The following GRK5 variants were observed in gnomAD, a reference collection of about 807,000 sequenced individuals.
GRK5 encodes the protein g protein-coupled receptor kinase GRK5.
A neutral mutation model predicts 78.4 loss-of-function variants in GRK5; 40 were observed. That is an observed-to-expected ratio of 0.51 (90% CI 0.40 to 0.66). The LOEUF is 0.66. Ranked by LOEUF, GRK5 falls within the 30% of genes least tolerant of loss-of-function variation. GRK5 has a pLI of 0.00. For missense variants in GRK5, 598 were observed against 759.9 expected, an observed-to-expected ratio of 0.79 and a Z score of 2.50; for synonymous variants, 289 against 296.8, an observed-to-expected ratio of 0.97 and a Z score of 0.27.
intron 1 of GRK5, among the ~76,000 whole-genome samples, chr10:119,219,748 T>C (rs1190964546): frequency 6.6e-6 from 1 of 152,208 alleles, no homozygotes; most frequent in Non-Finnish European, 1.5e-5. Context: ...TTTTAGTCGT[T>C]TTGGAAGAAA....
In GRK5 at chr10:119,335,177, C is replaced by CT. The variant is rs1850858582; in HGVS notation, c.148+8566_148+8567insT. Among the ~76,000 whole-genome samples, 25 of 35,806 alleles carry CT rather than the reference C, an allele frequency of 7.0e-4. 1 individual carries two copies. Among genetic ancestry groups the CT allele is most frequent in the African/African-American group, 1.7e-3 (15 of 8,948 alleles). The allele number at this position is 35,806 out of a possible 152,430, so 23.5% of individuals were successfully genotyped here. On this transcript the variant is annotated intron_variant, in intron 2 of 15. Coordinates refer to ENST00000392870, the MANE Select transcript of GRK5 (RefSeq NM_005308.3). ...CTCTCTCTCTCTCTCTCTCTCTCTC[C>CT]CCCTCTCCCTCTCCCCCCACCTCCT...
intron 1 of GRK5, among the ~76,000 whole-genome samples, chr10:119,290,668 T>A (rs1849940493): frequency 6.6e-6 from 1 of 151,820 alleles, no homozygotes. Flanking sequence ...TGTTGTCCTG[T>A]CCTCTTCTGC....
At chr10:119,385,365 A>G (rs1270695648) in intron 3 of GRK5, among the ~76,000 whole-genome samples, 3 of 152,086 alleles carry the variant, frequency 2.0e-5, no homozygotes, top group Non-Finnish European at 4.4e-5. Context: ...CCTGGACTCA[A>G]GTGATCTTCC....
intron 6 of GRK5, among the ~76,000 whole-genome samples, chr10:119,425,978 G>A (rs556885194): frequency 3.3e-5 from 5 of 152,324 alleles, no homozygotes; most frequent in Admixed American, 1.3e-4. Flanking sequence ...TTTGCAGAGC[G>A]GGGCGATGCC....
At chr10:119,362,504 C>T (rs747904212) in intron 2 of GRK5, among the ~76,000 whole-genome samples, 14 of 152,224 alleles carry the variant, frequency 9.2e-5, no homozygotes, top group Non-Finnish European at 1.9e-4. Context: ...GACTTCAGAG[C>T]CTTCCTGCAT....
chr10:119,361,689 G>A (rs574267629), intron 2 of GRK5, among the ~76,000 whole-genome samples: 20 of 152,278 alleles, frequency 1.3e-4, no homozygotes, highest in African/African-American at 4.3e-4. Context: ...GGCTGGGTGC[G>A]GTGGTTCATG....
intron 3 of GRK5, among the ~76,000 whole-genome samples, chr10:119,386,580 C>A (rs1851798013): frequency 6.6e-6 from 1 of 152,166 alleles, no homozygotes; most frequent in Non-Finnish European, 1.5e-5. Flanking sequence ...GTCAGCACGT[C>A]AAATGCTCTT....
At chr10:119,345,700 T>C (rs1851078585) in intron 2 of GRK5, among the ~76,000 whole-genome samples, 1 of 152,166 alleles carries the variant, frequency 6.6e-6, no homozygotes, top group South Asian at 2.1e-4. Context: ...CTTCACCATA[T>C]ACTTCCCCTC....
intron 1 of GRK5, among the ~76,000 whole-genome samples, chr10:119,296,143 C>G (rs961598522): frequency 4.6e-5 from 7 of 152,208 alleles, no homozygotes; most frequent in Non-Finnish European, 2.9e-5. Context: ...TTTTTCTCCA[C>G]CAGCATCCTC....
At chr10:119,347,524 T>C (rs1354410507) in intron 2 of GRK5, among the ~76,000 whole-genome samples, 4 of 152,266 alleles carry the variant, frequency 2.6e-5, no homozygotes, top group Non-Finnish European at 5.9e-5. Context: ...GTAAGTATCC[T>C]GAAGGCAAGG....
intron 1 of GRK5, among the ~76,000 whole-genome samples, chr10:119,318,294 C>T (rs182015016): frequency 5.3e-5 from 8 of 152,284 alleles, no homozygotes; most frequent in East Asian, 1.9e-4. Context: ...ATCTGTCAAA[C>T]GGGTTCAATA....
At chr10:119,321,614 G>T in intron 1 of GRK5, among the ~76,000 whole-genome samples, 1 of 152,192 alleles carries the variant, frequency 6.6e-6, no homozygotes, top group East Asian at 1.9e-4. Context: ...GATAATCCAG[G>T]ATTATGTCCC....
intron 2 of GRK5, among the ~76,000 whole-genome samples, chr10:119,354,871 C>A (rs1274457323): frequency 6.6e-6 from 1 of 152,084 alleles, no homozygotes; most frequent in Non-Finnish European, 1.5e-5. Flanking sequence ...TTTTCATATA[C>A]TCAGGTTCTG....
At chr10:119,329,116 G>A (rs1300026527) in intron 2 of GRK5, among the ~76,000 whole-genome samples, 2 of 152,200 alleles carry the variant, frequency 1.3e-5, no homozygotes, top group Admixed American at 6.5e-5. Flanking sequence ...CTTATGAAGT[G>A]TTTCTAATAA....
At chr10:119,274,140 C>G (rs1348251192) in intron 1 of GRK5, among the ~76,000 whole-genome samples, 3 of 152,136 alleles carry the variant, frequency 2.0e-5, no homozygotes, top group African/African-American at 7.2e-5. Context: ...GCTTGGTTAG[C>G]CATCAGCATC....
At chr10:119,434,670 A>G (rs1564933776) in intron 8 of GRK5, among the ~76,000 whole-genome samples, 1 of 152,164 alleles carries the variant, frequency 6.6e-6, no homozygotes, top group South Asian at 2.1e-4. Context: ...GGCTGCTTTC[A>G]TGGGCTGGCA....
intron 1 of GRK5, among the ~76,000 whole-genome samples, chr10:119,251,425 T>C (rs1233314264): frequency 6.6e-6 from 1 of 152,246 alleles, no homozygotes; most frequent in Non-Finnish European, 1.5e-5. Context: ...AAGAACATAC[T>C]CAGAACTTTG....
chr10:119,436,624 C>T (rs1012620234), intron 8 of GRK5, 27 bp from the exon 9 acceptor site: 20 of 1,611,170 alleles, frequency 1.2e-5, no homozygotes, highest in Non-Finnish European at 1.5e-5. Flanking sequence ...TCACAACCTC[C>T]CCATGGCACT....
intron 4 of GRK5, chr10:119,406,491 C>T (rs1852243146): frequency 1.0e-6 from 1 of 985,146 alleles, no homozygotes; most frequent in East Asian, 1.1e-4. Context: ...GTACCTGTCC[C>T]ATTCTCCCTG....
Sources: gnomAD v4.1 joint callset for allele counts (sites outside exome capture counted in the v4.1 genomes callset) on GRCh38, gnomAD v4.1.1 for gene constraint, MANE v1.5 for transcripts, NCBI Gene and HGNC (gene_info 2026-07-23, HGNC 2026-07-21) for gene names.